The following NEK3 variants were observed in gnomAD, a reference collection of about 807,000 sequenced individuals.
NEK3 encodes NIMA related kinase 3.
A neutral mutation model predicts 66.0 loss-of-function variants in NEK3; 54 were observed. The ratio of observed to expected loss-of-function variants is 0.82; its 90% confidence interval spans 0.66 to 1.03. The LOEUF is 1.03. Among genes scored for constraint, NEK3 ranks in the 50% least tolerant of loss-of-function variants. NEK3 has a pLI of 0.00. For missense variants in NEK3, 593 were observed against 603.0 expected, an observed-to-expected ratio of 0.98 and a Z score of 0.17; for synonymous variants, 200 against 206.2, an observed-to-expected ratio of 0.97 and a Z score of 0.26.
intron 1 of NEK3, 120 bp downstream of exon 1, chr13:52,159,423 T>G (rs1956425059): frequency 6.6e-6 from 1 of 152,264 alleles, no homozygotes; most frequent in Admixed American, 6.5e-5. Flanking sequence ...GGGGCGGAAG[T>G]GAGGGGCGCG....
chr13:52,146,635 G>C (rs1486290469), intron 8 of NEK3, among the ~76,000 whole-genome samples: 8 of 152,164 alleles, frequency 5.3e-5, no homozygotes, highest in Admixed American at 1.3e-4. Flanking sequence ...TTCTCAACTT[G>C]GGCTGTACAT....
At chr13:52,148,255 T>C in intron 8 of NEK3, 160 bp downstream of exon 8, 1 of 574,756 alleles carries the variant, frequency 1.7e-6, no homozygotes, top group Admixed American at 2.9e-5. Context: ...TAGTATATGC[T>C]ACAAAACTAA....
chr13:52,135,053 A>C (rs1385329162), intron 14 of NEK3, among the ~76,000 whole-genome samples: 1 of 152,174 alleles, frequency 6.6e-6, no homozygotes, highest in Admixed American at 6.5e-5. Flanking sequence ...TCTATCTTAG[A>C]TCTTAACCTA....
intron 8 of NEK3, among the ~76,000 whole-genome samples, chr13:52,147,001 C>T (rs556818171): frequency 6.6e-6 from 1 of 152,274 alleles, no homozygotes; most frequent in East Asian, 1.9e-4. Context: ...ATTGGCCCTG[C>T]AGTTGTTGTT....
At chr13:52,158,829 G>A (rs1412128492) in intron 1 of NEK3, among the ~76,000 whole-genome samples, 1 of 152,220 alleles carries the variant, frequency 6.6e-6, no homozygotes, top group Non-Finnish European at 1.5e-5. Context: ...TATAAGTAAT[G>A]CGAGAAATCT....
At position 52,154,072 on chromosome 13, in the gene NEK3, G is replaced by T. The variant is rs369006588; in HGVS notation, c.211+8C>A. 74 of 1,607,330 alleles carry T rather than the reference G, an allele frequency of 4.6e-5. No individual in the cohort carries two copies. Among genetic ancestry groups the T allele is most frequent in the Non-Finnish European group, 5.8e-5 (68 of 1,174,966 alleles). On this transcript the variant is annotated splice_region_variant and intron_variant, in intron 3 of 15. Coordinates refer to ENST00000610828, the MANE Select transcript of NEK3 (RefSeq NM_002498.3). Reference sequence around the variant, plus strand: ...GAAATGCACATATCTGGGGGAATTCGTATTTACCTTCAAATGATTCTTTGA... The same window carrying T: ...GAAATGCACATATCTGGGGGAATTCTTATTTACCTTCAAATGATTCTTTGA...
At chr13:52,144,912 TTA>T in intron 8 of NEK3, 21 bp from the exon 9 acceptor site, 1 of 1,536,530 alleles carries the variant, frequency 6.5e-7, no homozygotes, top group Non-Finnish European at 8.9e-7. Context: ...AAATTGAACT[TTA>T]CAAGCAGATA....
Position 52,149,188 on chromosome 13 carries a change from C to T in NEK3, c.549-719G>A, listed in dbSNP as rs527374885. Among the ~76,000 whole-genome samples the T allele has an allele frequency of 1.0e-3, 153 of 151,984 alleles. 1 individual carries two copies. The highest frequency in any genetic ancestry group is 3.0e-3 in the Admixed American group (45 of 15,240). The stretch of plus-strand genomic sequence containing the variant: ...TGCTGGGATTACAGGTGTGAGCCAC[C>T]GCGCCCAGCCCACCTTTTCTTTTTT... On this transcript the variant is annotated intron_variant, in intron 7 of 15. Coordinates refer to ENST00000610828, the MANE Select transcript of NEK3 (RefSeq NM_002498.3).
Position 52,144,000 on chromosome 13 carries a change from G to C in NEK3, c.805-13C>G, listed in dbSNP as rs1439933534. 4.9e-6 allele frequency: 7 copies of C among 1,429,362 alleles called. No individual in the cohort carries two copies. The East Asian group carries it at 7.5e-5, about 15-fold the overall frequency. The allele number at this position is 1,429,362 out of a possible 1,614,324, so 88.5% of individuals were successfully genotyped here. A position where few individuals can be genotyped will look rare whatever the true frequency, so the allele number is the denominator to read the frequency against. On this transcript the variant is annotated splice_polypyrimidine_tract_variant and intron_variant, in intron 9 of 15. Transcript: ENST00000610828. Reference sequence around the variant, plus strand: ...ATTCCATGATGATCTGAAATTTAAAGTTGAGAATTTAGAGATGTGAAAACA... The same window carrying C: ...ATTCCATGATGATCTGAAATTTAAACTTGAGAATTTAGAGATGTGAAAACA...
Position 52,133,745 on chromosome 13 carries a change from G to A in NEK3, c.1380C>T (p.His460=), listed in dbSNP as rs367809887. 1.9e-6 allele frequency: 3 copies of A among 1,578,506 alleles called. No homozygotes were observed. The highest frequency in any genetic ancestry group is 2.3e-5 in the South Asian group (2 of 86,124). ...TEASDSVDGG[H]DSVILDPERL... ...GCTCTGGATCCAAAATGACAGAATCGTGACCTCCATCAACACTGTCCGATG... is the reference window on the plus strand; with the variant it reads ...GCTCTGGATCCAAAATGACAGAATCATGACCTCCATCAACACTGTCCGATG... The change falls in exon 15 of 16, where the codon CAC becomes CAT. Residue 460 remains histidine, a synonymous_variant. Coordinates refer to ENST00000610828, the MANE Select transcript of NEK3 (RefSeq NM_002498.3).
chr13:52,136,249 T>C lies in NEK3; in HGVS notation c.1041A>G (p.Ser347=), dbSNP rs1365309494. 6.2e-7 allele frequency: 1 copy of C among 1,613,706 alleles called. No individual in the cohort carries two copies. The highest frequency in any genetic ancestry group is 1.7e-5 in the Admixed American group (1 of 60,008). The change falls in exon 13 of 16, where the codon TCA becomes TCG. Residue 347 remains serine, a synonymous_variant. Transcript: ENST00000610828. ...GTGAACTGGCTTTCCTCAGATGGAC[T>C]GACTTATTACCTGATTTTAAAGTGT... ...RVNREEKGNK[S]VHLRKASSPN...
At chr13:52,140,300 C>T (rs1217201585) in intron 11 of NEK3, among the ~76,000 whole-genome samples, 1 of 149,910 alleles carries the variant, frequency 6.7e-6, no homozygotes, top group Non-Finnish European at 1.5e-5. Flanking sequence ...TGTATTGAAA[C>T]CACTATCATC....
chr13:52,149,868 C>CAAAA (rs76728379), intron 7 of NEK3, among the ~76,000 whole-genome samples: 1 of 125,986 alleles, frequency 7.9e-6, no homozygotes, highest in Non-Finnish European at 1.6e-5. Context: ...GACTCTGTCT[C>CAAAA]AAAAAAAAAA....
chr13:52,133,793 G>T lies in NEK3; in HGVS notation c.1332C>A (p.Gly444=). 2 of 1,599,104 alleles carry T rather than the reference G, an allele frequency of 1.3e-6. No individual in the cohort carries two copies. Among genetic ancestry groups the T allele is most frequent in the Middle Eastern group, 1.7e-4 (1 of 6,038 alleles). ...ATGCTTCTGTTTCTTCAGACAGGGG[G>T]CCTTTCAAGAACCCTTCTGAACCTT... is the stretch of plus-strand genomic sequence containing the variant. ...YRPGSEGFLK[G]PLSEETEASD... Residue 444 remains glycine, a synonymous_variant, in exon 15 of 16, where the codon GGC becomes GGA. Coordinates refer to ENST00000610828, the MANE Select transcript of NEK3 (RefSeq NM_002498.3).
rs532857767 is a variant in NEK3 at position 52,137,142 on chromosome 13, CATT to C, written c.928-243_928-241del. ...ACATGTATATATTAATAGACATACA[CATT>C]AATAGCCATTAATATCAATTATTAT... is the stretch of plus-strand genomic sequence containing the variant. On this transcript the variant is annotated intron_variant, in intron 11 of 15. Coordinates refer to ENST00000610828, the MANE Select transcript of NEK3 (RefSeq NM_002498.3). 9.2e-5 allele frequency among the ~76,000 whole-genome samples: 14 copies of C among 152,002 alleles called. No individual in the cohort carries two copies. The South Asian group carries it at 2.7e-3, about 29-fold the overall frequency.
At chr13:52,152,031 C>T (rs1956350902) in intron 5 of NEK3, among the ~76,000 whole-genome samples, 1 of 152,208 alleles carries the variant, frequency 6.6e-6, no homozygotes, top group Admixed American at 6.6e-5. Flanking sequence ...ACGATGCTCA[C>T]ACAACAAAAT....
At chr13:52,141,739 G>GCCCA (rs1956251719) in intron 10 of NEK3, among the ~76,000 whole-genome samples, 11 of 141,510 alleles carry the variant, frequency 7.8e-5, no homozygotes. Context: ...GTCCCAGTCT[G>GCCCA]GTGGCATTTC....
chr13:52,151,070 C>G lies in NEK3; in HGVS notation c.548+76G>C, dbSNP rs757310472. The G allele has an allele frequency of 1.3e-4, 149 of 1,134,542 alleles. 1 individual carries two copies. Among genetic ancestry groups the G allele is most frequent in the Admixed American group, 1.8e-4 (9 of 48,748 alleles). The allele number at this position is 1,134,542 out of a possible 1,614,324, so 70.3% of individuals were successfully genotyped here. ...CCATGCATCTGTTTTGAAGTGACGT[C>G]AGACTCTAGCATCATTTGCAGGCTA... On this transcript the variant is annotated intron_variant, in intron 7 of 15. Transcript: ENST00000610828.
intron 11 of NEK3, among the ~76,000 whole-genome samples, chr13:52,140,206 C>A (rs1431711405): frequency 1.6e-5 from 2 of 127,820 alleles, no homozygotes; most frequent in Non-Finnish European, 3.4e-5. Flanking sequence ...CAAAGTGAGA[C>A]CCTATCTCAA....
Sources: allele counts gnomAD v4.1 joint callset (sites outside exome capture counted in the v4.1 genomes callset), GRCh38; gene constraint gnomAD v4.1.1; transcripts MANE v1.5; gene names NCBI Gene and HGNC (gene_info 2026-07-23, HGNC 2026-07-21).